The following LIPT1 variants were observed in gnomAD, a reference collection of about 807,000 sequenced individuals.
The protein encoded by LIPT1 is lipoyl amidotransferase LIPT1, mitochondrial.
A neutral mutation model predicts 25.1 loss-of-function variants in LIPT1; 22 were observed. The ratio of observed to expected loss-of-function variants is 0.88; its 90% CI spans 0.63 to 1.25. LIPT1 has a LOEUF of 1.25. Ranked by LOEUF, LIPT1 falls within the 50% of genes most tolerant of loss-of-function variation. LIPT1 has a pLI of 0.00. For missense variants in LIPT1, 399 were observed against 432.8 expected, an observed-to-expected ratio of 0.92 and a Z score of 0.69; for synonymous variants, 131 against 150.8, an observed-to-expected ratio of 0.87 and a Z score of 0.96.
chr2:99,162,664 CTGCT>C lies in LIPT1; in HGVS notation c.709_712del (p.Ala237IlefsTer10). ...ATGAATGCTGTTGCTACAGAGTATG[CTGCT>C]TATCATCAAATTGATAATCACATTC... is the stretch of plus-strand genomic sequence containing the variant. On this transcript the variant is annotated frameshift_variant, in exon 2 of 2. Coordinates refer to ENST00000651691, the MANE Select transcript of LIPT1 (RefSeq NM_145199.3). LOFTEE classifies it high-confidence loss of function. 6.2e-7 allele frequency: 1 copy of C among 1,614,078 alleles called. No individual in the cohort carries two copies. Among genetic ancestry groups the C allele is most frequent in the Non-Finnish European group, 8.5e-7 (1 of 1,179,962 alleles).
chr2:99,157,446 C>T (rs1455205027), intron 1 of LIPT1, among the ~76,000 whole-genome samples: 3 of 152,224 alleles, frequency 2.0e-5, no homozygotes, highest in African/African-American at 7.2e-5. Flanking sequence ...ACTCCACATT[C>T]CTTTCTACCT....
At chr2:99,160,380 TA>T (rs1343479871) in intron 1 of LIPT1, among the ~76,000 whole-genome samples, 1 of 152,092 alleles carries the variant, frequency 6.6e-6, no homozygotes, top group Non-Finnish European at 1.5e-5. Flanking sequence ...TACCCTGTCT[TA>T]AAAATAAAAA....
At chr2:99,161,770 C>A in intron 1 of LIPT1, 187 bp from the exon 2 acceptor site, 1 of 474,292 alleles carries the variant, frequency 2.1e-6, no homozygotes. Context: ...TGAAATTTGT[C>A]TTCATTTATT....
intron 1 of LIPT1, among the ~76,000 whole-genome samples, chr2:99,158,923 A>G (rs1476182854): frequency 2.0e-5 from 3 of 151,772 alleles, no homozygotes; most frequent in Admixed American, 6.6e-5. Context: ...GGACAGGTTC[A>G]CCTTCTTTTC....
chr2:99,162,618 A>G lies in LIPT1; in HGVS notation c.661A>G (p.Thr221Ala), dbSNP rs1214841721. The change falls in exon 2 of 2, where the codon ACT (threonine) becomes GCT (alanine). Residue 221 changes from threonine (T) to alanine (A), a missense_variant. Thr to Ala is a moderately conservative substitution (Grantham distance 58). Coordinates refer to ENST00000651691, the MANE Select transcript of LIPT1 (RefSeq NM_145199.3). ...LVKNLLEKDP[T>A]LTCEVLMNAV... Reference sequence around the variant, plus strand: ...GAAAAATCTTTTGGAAAAGGATCCCACTCTGACCTGTGAAGTACTAATGAA... The same window carrying G: ...GAAAAATCTTTTGGAAAAGGATCCCGCTCTGACCTGTGAAGTACTAATGAA... 4 of 1,613,908 alleles carry G rather than the reference A, an allele frequency of 2.5e-6. No individual in the cohort carries two copies. The Admixed American group carries it at 6.7e-5, about 27-fold the overall frequency.
chr2:99,163,048 TTC>T lies in LIPT1; in HGVS notation c.1095_1096del (p.Cys366Ter). ...CACAAACTAAACAGTAAATGGAATA[TTC>T]TCTGTGAAAAAATTAAGGGAATAAT... On this transcript the variant is annotated frameshift_variant, in exon 2 of 2. Coordinates refer to ENST00000651691, the MANE Select transcript of LIPT1 (RefSeq NM_145199.3). LOFTEE classifies it high-confidence loss of function. The T allele has an allele frequency of 1.3e-6, 2 of 1,566,602 alleles. No individual in the cohort carries two copies. The highest frequency in any genetic ancestry group is 2.7e-5 in the African/African-American group (2 of 72,734).
chr2:99,160,061 A>G (rs757772232), intron 1 of LIPT1, among the ~76,000 whole-genome samples: 4 of 152,248 alleles, frequency 2.6e-5, no homozygotes, highest in Non-Finnish European at 5.9e-5. Flanking sequence ...AAGAGTGATG[A>G]AAATATGAAG....
rs2093799471 is a variant in LIPT1 at position 99,162,239 on chromosome 2, A to C, written c.282A>C (p.Ile94=). 6 of 1,613,844 alleles carry C rather than the reference A, an allele frequency of 3.7e-6. No homozygotes were observed. The highest frequency in any genetic ancestry group is 5.1e-6 in the Non-Finnish European group (6 of 1,180,032). Residue 94 remains isoleucine, a synonymous_variant, in exon 2 of 2, where the codon ATA becomes ATC. Coordinates refer to ENST00000651691, the MANE Select transcript of LIPT1 (RefSeq NM_145199.3). ...CNLNLMREEG[I]KLARRRSGGG... ...TGAATCTAATGAGAGAAGAAGGTAT[A>C]AAACTGGCTCGGAGAAGAAGTGGAG...
At position 99,162,760 on chromosome 2, in the gene LIPT1, C is replaced by T. The variant is rs2093806678; in HGVS notation, c.803C>T (p.Thr268Ile). ...GINSKAKELQTWEWIYGKTPK... is the reference protein window; with the variant it reads ...GINSKAKELQIWEWIYGKTPK... ...AATAGCAAAGCCAAAGAACTGCAAACTTGGGAGTGGATATATGGCAAAACT... is the reference window on the plus strand; with the variant it reads ...AATAGCAAAGCCAAAGAACTGCAAATTTGGGAGTGGATATATGGCAAAACT... The change falls in exon 2 of 2, where the codon ACT becomes ATT. Residue 268 changes from threonine (T) to isoleucine (I), a missense_variant. Transcript: ENST00000651691. 6.2e-7 allele frequency: 1 copy of T among 1,614,122 alleles called. No homozygotes were observed. Among genetic ancestry groups the T allele is most frequent in the East Asian group, 2.2e-5 (1 of 44,880 alleles).
chr2:99,155,241 A>G (rs967081198), intron 1 of LIPT1, 190 bp downstream of exon 1: 2 of 371,446 alleles, frequency 5.4e-6, no homozygotes, highest in African/African-American at 4.2e-5. Flanking sequence ...CACTGTTAGG[A>G]ACGGTTGATC....
chr2:99,159,398 T>TTCTC (rs375225183), intron 1 of LIPT1, among the ~76,000 whole-genome samples: 1 of 151,444 alleles, frequency 6.6e-6, no homozygotes. Flanking sequence ...ATCCATCCCC[T>TTCTC]TCTCTCTCTC....
In LIPT1 at chr2:99,155,720, C is replaced by G. The variant is rs149888789; in HGVS notation, c.-2+669C>G. ...GTGCATTACTCAGTCGGGGTCTGATCCGCTACTGGAGCATAGAATAAAAAA... is the reference window on the plus strand; with the variant it reads ...GTGCATTACTCAGTCGGGGTCTGATGCGCTACTGGAGCATAGAATAAAAAA... On this transcript the variant is annotated intron_variant, in intron 1 of 1. Coordinates refer to ENST00000651691, the MANE Select transcript of LIPT1 (RefSeq NM_145199.3). Among the ~76,000 whole-genome samples, 411 of 152,304 alleles carry G rather than the reference C, an allele frequency of 2.7e-3. 2 individuals carry two copies. The highest frequency in any genetic ancestry group is 9.3e-3 in the African/African-American group (385 of 41,566).
intron 1 of LIPT1, chr2:99,155,479 C>G: frequency 2.2e-6 from 1 of 456,056 alleles, no homozygotes; most frequent in South Asian, 1.5e-5. Context: ...TTTTCGCTTT[C>G]AGTTCAGTGA....
chr2:99,162,040 T>TA lies in LIPT1; in HGVS notation c.89dup (p.Asn30LysfsTer11), dbSNP rs779184309. The TA allele has an allele frequency of 3.1e-6, 5 of 1,614,080 alleles. No individual in the cohort carries two copies. In the South Asian group the frequency reaches 5.5e-5, roughly 18 times the overall value. ...CCAGCAGCTGGCTTTAAAAAAACAG[T>TA]AAAAAATGGGCTCATTTTACAGTCA... On this transcript the variant is annotated frameshift_variant, in exon 2 of 2. Coordinates refer to ENST00000651691, the MANE Select transcript of LIPT1 (RefSeq NM_145199.3). LOFTEE classifies it high-confidence loss of function.
intron 1 of LIPT1, among the ~76,000 whole-genome samples, chr2:99,158,752 G>A (rs1478743734): frequency 1.3e-5 from 2 of 152,038 alleles, no homozygotes; most frequent in Non-Finnish European, 2.9e-5. Context: ...TCCCTTTTAT[G>A]TCTCAGCTTC....
intron 1 of LIPT1, 113 bp downstream of exon 1, chr2:99,155,164 C>T (rs2093737664): frequency 7.1e-6 from 3 of 421,690 alleles, no homozygotes; most frequent in Non-Finnish European, 1.4e-5. Context: ...ACTTGCGGGT[C>T]GCCTCCGCCG....
rs1341113579 is a variant in LIPT1, at chr2:99,161,328, A to G, written c.-1-629A>G. 5 of 112,238 alleles carry G rather than the reference A, an allele frequency of 4.5e-5. 1 individual carries two copies. The South Asian group carries it at 1.2e-3, about 28-fold the overall frequency. 7.0% of individuals were successfully genotyped at this position (112,238 alleles called of 1,614,324 possible). On this transcript the variant is annotated intron_variant, in intron 1 of 1. Transcript: ENST00000651691. Reference sequence around the variant, plus strand: ...TATATATATATATATATATATATATATATATATATAGATTGAATGTCGAAT... The same window carrying G: ...TATATATATATATATATATATATATGTATATATATAGATTGAATGTCGAAT...
Position 99,162,660 on chromosome 2 carries a change from T to C in LIPT1, c.703T>C (p.Tyr235His). The C allele has an allele frequency of 1.9e-6, 3 of 1,614,086 alleles. No homozygotes were observed. The highest frequency in any genetic ancestry group is 2.5e-6 in the Non-Finnish European group (3 of 1,179,976). ...EVLMNAVATE[Y>H]AAYHQIDNHI... ...ACTAATGAATGCTGTTGCTACAGAG[T>C]ATGCTGCTTATCATCAAATTGATAA... Residue 235 changes from tyrosine (Y) to histidine (H), a missense_variant, in exon 2 of 2, where the codon TAT (tyrosine) becomes CAT (histidine). Tyr to His is a moderately conservative substitution (Grantham distance 83). Transcript: ENST00000651691.
chr2:99,156,332 C>G (rs1559166557), intron 1 of LIPT1: 1 of 152,212 alleles, frequency 6.6e-6, no homozygotes, highest in Non-Finnish European at 1.5e-5. Context: ...CAGCCCATCT[C>G]GGCCCACTGA....
Sources: allele counts gnomAD v4.1 joint callset (sites outside exome capture counted in the v4.1 genomes callset), GRCh38; gene constraint gnomAD v4.1.1; transcripts MANE v1.5; gene names NCBI Gene and HGNC (gene_info 2026-07-23, HGNC 2026-07-21).